ZNF883: variants seen among roughly 807,000 people sequenced by gnomAD.
The protein encoded by ZNF883 is zinc finger protein 883.
upstream of ZNF883, chr9:112,998,467 G>C (rs2118611164): frequency 5.0e-6 from 2 of 397,034 alleles, no homozygotes; most frequent in Non-Finnish European, 8.7e-6. Flanking sequence ...TACCATTGAT[G>C]TCATAGTTAC....
At chr9:112,995,536 CCTTT>C (rs959779035), downstream of ZNF883, among the ~76,000 whole-genome samples, 11 of 151,572 alleles carry the variant, frequency 7.3e-5, no homozygotes, top group African/African-American at 2.4e-4. Flanking sequence ...TTCCTACTTT[CCTTT>C]CTCTCTCTCT....
intron 1 of ZNF883, among the ~76,000 whole-genome samples, chr9:112,990,594 G>A (rs1019258083): frequency 6.6e-6 from 1 of 152,076 alleles, no homozygotes; most frequent in Non-Finnish European, 1.5e-5. Context: ...TTGTATCTCT[G>A]CCAGGTTTCA....
At chr9:112,997,164 G>A (rs753867176) in exon 1 of ZNF883, 81 of 1,610,840 alleles carry the variant, frequency 5.0e-5, no homozygotes, top group East Asian at 6.7e-5. Flanking sequence ...TTCTGATGTC[G>A]AATTAAGGAT....
intron 1 of ZNF883, among the ~76,000 whole-genome samples, chr9:112,989,814 C>A (rs746071446): frequency 1.1e-4 from 16 of 152,096 alleles, no homozygotes; most frequent in South Asian, 4.1e-4. Context: ...GGTTTGTAGT[C>A]TCCTTGAAGA....
At chr9:112,996,707 C>T (rs140411731), downstream of ZNF883, among the ~76,000 whole-genome samples, 16 of 131,332 alleles carry the variant, frequency 1.2e-4, no homozygotes, top group African/African-American at 2.8e-4. Flanking sequence ...AGGAGAATGG[C>T]GTGAACCTGG....
chr9:113,003,508 T>C (rs1309299268), intron 2 of ZNF883, among the ~76,000 whole-genome samples: 1 of 151,530 alleles, frequency 6.6e-6, no homozygotes, highest in Non-Finnish European at 1.5e-5. Context: ...AGATATTCAA[T>C]AGAAGCTTAT....
chr9:112,998,055 A>T (rs745742048), exon 1 of ZNF883: 2 of 1,613,944 alleles, frequency 1.2e-6, no homozygotes, highest in South Asian at 2.2e-5. Flanking sequence ...TTACATTCAT[A>T]AGGTTTCTCT....
At chr9:112,996,775 A>G (rs1417852971), downstream of ZNF883, among the ~76,000 whole-genome samples, 2 of 116,124 alleles carry the variant, frequency 1.7e-5, no homozygotes, top group Non-Finnish European at 3.3e-5. Flanking sequence ...TGGGCGACAG[A>G]GCGAGACTCC....
At chr9:113,005,336 T>G (rs1416416450) in intron 2 of ZNF883, among the ~76,000 whole-genome samples, 1 of 152,148 alleles carries the variant, frequency 6.6e-6, no homozygotes, top group Non-Finnish European at 1.5e-5. Flanking sequence ...AGGAAAAATG[T>G]ATAATGCAAT....
At chr9:112,998,293 T>G (rs138556165), upstream of ZNF883, 1 of 1,443,990 alleles carries the variant, frequency 6.9e-7, no homozygotes, top group Non-Finnish European at 9.1e-7. Flanking sequence ...TTTATTTATT[T>G]TTTCATTTTT....
intron 2 of ZNF883, among the ~76,000 whole-genome samples, chr9:113,010,823 T>C (rs1040885375): frequency 6.6e-6 from 1 of 151,828 alleles, no homozygotes; most frequent in Admixed American, 6.6e-5. Flanking sequence ...CCATCTCTAC[T>C]AAAAATACAA....
chr9:112,996,790 CAAAAAAAAAAAAAAAAAA>C (rs61714600), downstream of ZNF883, among the ~76,000 whole-genome samples: 7 of 52,106 alleles, frequency 1.3e-4, no homozygotes, highest in South Asian at 1.9e-3. Context: ...GACTCCGTCT[CAAAAAAAAAAAAAAAAAA>C]AAAAAAAAAA....
chr9:113,007,019 C>A (rs543688230), intron 2 of ZNF883, among the ~76,000 whole-genome samples: 88 of 152,228 alleles, frequency 5.8e-4, no homozygotes, highest in South Asian at 4.8e-3. Flanking sequence ...TATGGTGAAA[C>A]CCCGTCTCTA....
At chr9:112,999,888 A>T (rs967733061), upstream of ZNF883, 11 of 152,188 alleles carry the variant, frequency 7.2e-5, no homozygotes, top group Non-Finnish European at 1.5e-5. Flanking sequence ...CTTCCTTCCC[A>T]GAGGTTAGTT....
intron 2 of ZNF883, among the ~76,000 whole-genome samples, chr9:113,008,484 CTT>C (rs917054048): frequency 3.9e-5 from 6 of 152,188 alleles, no homozygotes; most frequent in African/African-American, 7.2e-5. Context: ...CAGTTGAACT[CTT>C]TTAACAGAAG....
At chr9:113,005,692 C>T (rs1344495670) in intron 2 of ZNF883, among the ~76,000 whole-genome samples, 1 of 152,120 alleles carries the variant, frequency 6.6e-6, no homozygotes, top group Non-Finnish European at 1.5e-5. Context: ...CTCACAGAAC[C>T]TTGTACTTTT....
At chr9:113,009,029 A>G (rs995700993) in intron 2 of ZNF883, among the ~76,000 whole-genome samples, 2 of 152,106 alleles carry the variant, frequency 1.3e-5, no homozygotes, top group African/African-American at 4.8e-5. Context: ...AGAAAAATCC[A>G]TCTTTCACCT....
chr9:112,993,271 T>G (rs1259660891), downstream of ZNF883, among the ~76,000 whole-genome samples: 1 of 152,254 alleles, frequency 6.6e-6, no homozygotes, highest in Non-Finnish European at 1.5e-5. Flanking sequence ...GGGACTTTTT[T>G]GTTGATACTG....
At position 112,997,507 on chromosome 9, in the gene ZNF883, A is replaced by G. The variant is rs370041281; in HGVS notation, n.753T>C. 1.2e-5 allele frequency: 20 copies of G among 1,614,038 alleles called. No individual in the cohort carries two copies. In the African/African-American group the frequency reaches 2.5e-4, roughly 20 times the overall value. On this transcript the variant is annotated non_coding_transcript_exon_variant, in exon 1 of 1. Coordinates refer to ENST00000639662, the Ensembl canonical transcript of ZNF883. ...TATGAGTTCTCTGGTGTTCAGTAAG[A>G]TGTGCACTCCGATTGAAGGCCTTTC...
Sources: allele counts gnomAD v4.1 joint callset (sites outside exome capture counted in the v4.1 genomes callset), GRCh38; gene constraint gnomAD v4.1.1; transcripts MANE v1.5; gene names NCBI Gene and HGNC (gene_info 2026-07-23, HGNC 2026-07-21).